The following SYT14 variants were observed in gnomAD, a reference collection of about 807,000 sequenced individuals.
SYT14 encodes the protein synaptotagmin-14.
SYT14 carries 32 observed loss-of-function variants against 74.2 expected under a neutral mutation model. The ratio of observed to expected loss-of-function variants is 0.43; its 90% CI spans 0.33 to 0.58. The LOEUF is 0.58. SYT14 is among the 20% of genes least tolerant of loss of function. SYT14 has a pLI of 0.05. For missense variants in SYT14, 791 were observed against 981.8 expected (o/e 0.81, Z 2.60); for synonymous variants, 298 against 337.7 (o/e 0.88, Z 1.29).
At chr1:210,101,002 T>C (rs1215540515) in intron 7 of SYT14, among the ~76,000 whole-genome samples, 1 of 152,174 alleles carries the variant, frequency 6.6e-6, no homozygotes, top group African/African-American at 2.4e-5. Context: ...TTAAACAGAT[T>C]GTAAAGTATT....
chr1:210,040,121 G>T lies in SYT14; in HGVS notation c.1312+18867G>T, dbSNP rs553052984. On this transcript the variant is annotated intron_variant, in intron 5 of 9. Coordinates refer to ENST00000637265, the Ensembl canonical transcript of SYT14. ...ATAGCAAAGACTTGGAACCAACCCAGATACCCACCAATGATAGACTGGGTT... is the reference window on the plus strand; with the variant it reads ...ATAGCAAAGACTTGGAACCAACCCATATACCCACCAATGATAGACTGGGTT... 3.9e-5 allele frequency among the ~76,000 whole-genome samples: 6 copies of T among 152,258 alleles called. No individual in the cohort carries two copies. The South Asian group carries it at 1.2e-3, about 32-fold the overall frequency.
intron 2 of SYT14, among the ~76,000 whole-genome samples, chr1:209,996,816 TAAATC>T (rs574415883): frequency 6.6e-6 from 1 of 152,034 alleles, no homozygotes; most frequent in Non-Finnish European, 1.5e-5. Flanking sequence ...CCAACATACA[TAAATC>T]AAAAAATGTG....
At chr1:209,986,093 T>C (rs993629030) in intron 2 of SYT14, among the ~76,000 whole-genome samples, 1 of 152,226 alleles carries the variant, frequency 6.6e-6, no homozygotes, top group Non-Finnish European at 1.5e-5. Flanking sequence ...TGCAAATTTC[T>C]CTAGGAAGTG....
chr1:210,017,023 A>G, exon 4 of SYT14: 1 of 1,231,876 alleles, frequency 8.1e-7, no homozygotes, highest in Non-Finnish European at 1.0e-6. Flanking sequence ...AACCAAAGAA[A>G]ACTGAGGCCA....
At chr1:210,154,256 C>T (rs1021206894) in intron 7 of SYT14, among the ~76,000 whole-genome samples, 1 of 152,114 alleles carries the variant, frequency 6.6e-6, no homozygotes, top group Admixed American at 6.5e-5. Flanking sequence ...TCTCCAACCC[C>T]CCGGCCACAG....
rs529882916 is a variant in SYT14, at chr1:210,066,570, G to T, written c.1313-27752G>T. Among the ~76,000 whole-genome samples the T allele has an allele frequency of 2.6e-5, 4 of 152,108 alleles. No homozygotes were observed. In the East Asian group the frequency reaches 7.7e-4, roughly 29 times the overall value. Reference sequence around the variant, plus strand: ...ATATCCTTCGCTCACTTTTTGATGGGGTTGTTTGTTTTTTTCTTGTAAATT... The same window carrying T: ...ATATCCTTCGCTCACTTTTTGATGGTGTTGTTTGTTTTTTTCTTGTAAATT... On this transcript the variant is annotated intron_variant, in intron 5 of 9. Coordinates refer to ENST00000637265, the Ensembl canonical transcript of SYT14.
At chr1:210,110,954 G>A (rs2082250950) in intron 7 of SYT14, among the ~76,000 whole-genome samples, 1 of 152,198 alleles carries the variant, frequency 6.6e-6, no homozygotes, top group South Asian at 2.1e-4. Flanking sequence ...ATGTTGGTCA[G>A]GCTGGTCTTG....
chr1:210,096,167 C>T (rs745511991), intron 6 of SYT14, among the ~76,000 whole-genome samples: 4 of 152,118 alleles, frequency 2.6e-5, no homozygotes, highest in Non-Finnish European at 5.9e-5. Context: ...AGAAGCAGCT[C>T]TTAAATAGTG....
chr1:209,950,719 T>A (rs2078898354), intron 1 of SYT14, among the ~76,000 whole-genome samples: 1 of 152,194 alleles, frequency 6.6e-6, no homozygotes, highest in Non-Finnish European at 1.5e-5. Flanking sequence ...ATGACCTACT[T>A]TTTTTAGTGG....
exon 10 of SYT14, chr1:210,170,888 T>C (rs2083517646): frequency 6.6e-6 from 1 of 152,144 alleles, no homozygotes; most frequent in African/African-American, 2.4e-5. Flanking sequence ...CCAAAGAAAA[T>C]AGACTTACAA....
chr1:209,942,522 G>T (rs934218711), intron 1 of SYT14, among the ~76,000 whole-genome samples: 1 of 152,052 alleles, frequency 6.6e-6, no homozygotes, highest in Non-Finnish European at 1.5e-5. Context: ...AAATCAATTT[G>T]TGCTGCTTGG....
intron 4 of SYT14, among the ~76,000 whole-genome samples, chr1:210,018,992 C>T (rs1273938814): frequency 3.3e-5 from 5 of 151,738 alleles, no homozygotes; most frequent in Admixed American, 2.6e-4. Context: ...AAAAATTAGC[C>T]GGGCATGGTG....
chr1:210,116,947 C>G (rs577864242), intron 7 of SYT14, among the ~76,000 whole-genome samples: 1 of 152,194 alleles, frequency 6.6e-6, no homozygotes, highest in African/African-American at 2.4e-5. Flanking sequence ...TACTAAGAAT[C>G]TTTTATAACC....
chr1:209,965,278 T>C (rs1176727549), intron 2 of SYT14, among the ~76,000 whole-genome samples: 1 of 152,194 alleles, frequency 6.6e-6, no homozygotes, highest in Non-Finnish European at 1.5e-5. Flanking sequence ...TTTCCATCTT[T>C]ATGTCTGTGT....
chr1:210,021,284 T>C, intron 5 of SYT14, 30 bp downstream of exon 4: 1 of 1,576,214 alleles, frequency 6.3e-7, no homozygotes. Flanking sequence ...TTTTTTTACA[T>C]GACACACTAT....
At chr1:210,138,670 A>G (rs992931779) in intron 7 of SYT14, among the ~76,000 whole-genome samples, 16 of 152,184 alleles carry the variant, frequency 1.1e-4, no homozygotes, top group Non-Finnish European at 1.6e-4. Flanking sequence ...TGCTTTTTCT[A>G]TATTTAAAAA....
chr1:210,086,320 C>T lies in SYT14; in HGVS notation c.1313-8002C>T, dbSNP rs572308936. On this transcript the variant is annotated intron_variant, in intron 5 of 9. Transcript: ENST00000637265. ...TTTGTGGGAAGATACTGTGTAACTA[C>T]GTACATATCCCATTCCTCAAAAAAT... Among the ~76,000 whole-genome samples the T allele has an allele frequency of 3.3e-5, 5 of 152,288 alleles. 1 individual carries two copies. The highest frequency in any genetic ancestry group is 7.2e-5 in the African/African-American group (3 of 41,548).
At chr1:210,057,347 T>C (rs536896713) in intron 5 of SYT14, among the ~76,000 whole-genome samples, 166 of 152,328 alleles carry the variant, frequency 1.1e-3, no homozygotes, top group Non-Finnish European at 1.9e-3. Context: ...GTTTGAAACA[T>C]TGAACCCTCT....
At chr1:209,978,982 G>T (rs953221876) in intron 2 of SYT14, among the ~76,000 whole-genome samples, 2 of 152,178 alleles carry the variant, frequency 1.3e-5, no homozygotes, top group Non-Finnish European at 2.9e-5. Flanking sequence ...GCGAGGCTCC[G>T]TGGGCGTAGG....
Sources: allele counts gnomAD v4.1 joint callset (sites outside exome capture counted in the v4.1 genomes callset), GRCh38; gene constraint gnomAD v4.1.1; transcripts MANE v1.5; gene names NCBI Gene and HGNC (gene_info 2026-07-23, HGNC 2026-07-21).